MROH2B: variants seen among roughly 807,000 people sequenced by gnomAD.
MROH2B encodes maestro heat-like repeat-containing protein family member 2B.
Under a neutral mutation model 208.6 loss-of-function variants are expected in MROH2B, and 177 were observed. The ratio of observed to expected loss-of-function variants is 0.85; its 90% CI spans 0.75 to 0.96. The LOEUF is 0.96. Among genes scored for constraint, MROH2B ranks in the 40% least tolerant of loss-of-function variants. The pLI, the probability that MROH2B is intolerant of heterozygous loss-of-function variation, is 0.00. For synonymous variants in MROH2B, 728 were observed against 659.0 expected (o/e 1.10, Z -1.60); for missense variants, 2,002 against 1,878.7 (o/e 1.07, Z -1.21).
chr5:41,039,601 A>G, intron 19 of MROH2B, 46 bp from the exon 20 acceptor site: 1 of 1,322,786 alleles, frequency 7.6e-7, no homozygotes, highest in South Asian at 1.4e-5. Context: ...CCATTTATTT[A>G]TTCAACAAAT....
Position 41,042,134 on chromosome 5 carries a change from CT to C in MROH2B, c.1910del (p.Lys637ArgfsTer4). On this transcript the variant is annotated frameshift_variant, in exon 19 of 42. Transcript: ENST00000399564. LOFTEE classifies it high-confidence loss of function. ...GTTGGTTGGGAGCAGTCAGAAACTCCTTAATCTGTGAGTTTACAAAGTCTGA... is the reference window on the plus strand; with the variant it reads ...GTTGGTTGGGAGCAGTCAGAAACTCCTAATCTGTGAGTTTACAAAGTCTGA... ...QDSDFVNSQI[K>X]EFLTAPNQLG... 1 of 1,596,990 alleles carries C rather than the reference CT, an allele frequency of 6.3e-7. No homozygotes were observed. Among genetic ancestry groups the C allele is most frequent in the Admixed American group, 1.7e-5 (1 of 58,062 alleles).
intron 3 of MROH2B, among the ~76,000 whole-genome samples, chr5:41,066,251 A>C (rs956324137): frequency 6.6e-6 from 1 of 152,196 alleles, no homozygotes; most frequent in African/African-American, 2.4e-5. Context: ...ATGGCGAACT[A>C]GGTAAATTTG....
rs559761821 is a variant in MROH2B at position 41,024,416 on chromosome 5, A to C, written c.2442-5398T>G. On this transcript the variant is annotated intron_variant, in intron 24 of 41. Coordinates refer to ENST00000399564, the MANE Select transcript of MROH2B (RefSeq NM_173489.5). ...TCTGATAAAACAGACTTTAAACCAA[A>C]AAAGATCAAAAGAGACAAAGAAGGC... 2.3e-3 allele frequency among the ~76,000 whole-genome samples: 354 copies of C among 152,170 alleles called. 2 individuals are homozygous for C. Among genetic ancestry groups the C allele is most frequent in the African/African-American group, 7.3e-3 (302 of 41,548 alleles).
chr5:41,064,370 A>G, intron 5 of MROH2B, 102 bp downstream of exon 5: 1 of 916,156 alleles, frequency 1.1e-6, no homozygotes, highest in Non-Finnish European at 1.7e-6. Context: ...ATTATTCAAA[A>G]GGACAAGATT....
At position 41,039,693 on chromosome 5, in the gene MROH2B, T is replaced by C. The variant is rs572479414; in HGVS notation, c.1954-138A>G. The C allele has an allele frequency of 2.2e-4, 129 of 579,184 alleles. 4 individuals carry two copies. In the South Asian group the frequency reaches 3.1e-3, roughly 14 times the overall value. The allele number at this position is 579,184 out of a possible 1,614,324, so 35.9% of individuals were successfully genotyped here. On this transcript the variant is annotated intron_variant, in intron 19 of 41. Transcript: ENST00000399564. ...TTTGCAGAACATACCAAAGTCCCCATCTTTGTAAGGTATACAACCAGGAGA... is the reference window on the plus strand; with the variant it reads ...TTTGCAGAACATACCAAAGTCCCCACCTTTGTAAGGTATACAACCAGGAGA...
chr5:41,049,253 C>G (rs368805204), intron 14 of MROH2B, 27 bp downstream of exon 14: 8 of 1,611,842 alleles, frequency 5.0e-6, no homozygotes, highest in African/African-American at 1.3e-5. Context: ...AATAGAAAAG[C>G]TTTTCTGTGT....
rs1365024899 is a variant in MROH2B at position 41,070,962 on chromosome 5, G to A, written c.-110C>T. On this transcript the variant is annotated 5_prime_UTR_variant, in exon 1 of 42. Coordinates refer to ENST00000399564, the MANE Select transcript of MROH2B (RefSeq NM_173489.5). ...AGTTTCTCATATAAGGTTCACATAAGCCTCTCTAAATGAAAGTGCCTCCTC... is the reference window on the plus strand; with the variant it reads ...AGTTTCTCATATAAGGTTCACATAAACCTCTCTAAATGAAAGTGCCTCCTC... 2.7e-6 allele frequency: 3 copies of A among 1,102,032 alleles called. No individual in the cohort carries two copies. Among genetic ancestry groups the A allele is most frequent in the Non-Finnish European group, 4.0e-6 (3 of 746,760 alleles). 68.3% of individuals were successfully genotyped at this position (1,102,032 alleles called of 1,614,324 possible). A position where few individuals can be genotyped will look rare whatever the true frequency, so the allele number is the denominator to read the frequency against.
Position 41,004,326 on chromosome 5 carries a change from T to A in MROH2B, c.4194+20A>T. The A allele has an allele frequency of 6.2e-7, 1 of 1,608,100 alleles. No homozygotes were observed. Among genetic ancestry groups the A allele is most frequent in the Non-Finnish European group, 8.5e-7 (1 of 1,177,990 alleles). On this transcript the variant is annotated intron_variant, in intron 37 of 41. Coordinates refer to ENST00000399564, the MANE Select transcript of MROH2B (RefSeq NM_173489.5). Reference sequence around the variant, plus strand: ...TTCACTCACTTCTGGGGAGGGAAGTTCCTAAACAGGCTCACTTACATCTTC... The same window carrying A: ...TTCACTCACTTCTGGGGAGGGAAGTACCTAAACAGGCTCACTTACATCTTC...
intron 24 of MROH2B, among the ~76,000 whole-genome samples, chr5:41,027,393 C>T (rs556340271): frequency 1.3e-5 from 2 of 152,178 alleles, no homozygotes; most frequent in Non-Finnish European, 2.9e-5. Context: ...TGAACAGACA[C>T]TTCTCAAAAG....
At chr5:41,057,946 G>GA (rs1183244109) in intron 7 of MROH2B, 117 bp downstream of exon 7, 2 of 962,554 alleles carry the variant, frequency 2.1e-6, no homozygotes, top group Non-Finnish European at 2.8e-6. Flanking sequence ...AAGAGATATT[G>GA]AAAGTCAGCT....
chr5:41,053,455 T>C (rs904836241), intron 11 of MROH2B, among the ~76,000 whole-genome samples: 2 of 152,198 alleles, frequency 1.3e-5, no homozygotes, highest in Non-Finnish European at 2.9e-5. Flanking sequence ...TTATAGTATA[T>C]ATAATAATTT....
chr5:41,015,658 A>G (rs188931609), intron 28 of MROH2B, among the ~76,000 whole-genome samples, 180 bp from the exon 29 acceptor site: 198 of 152,356 alleles, frequency 1.3e-3, no homozygotes, highest in African/African-American at 4.6e-3. Flanking sequence ...TCTGCATACA[A>G]TAATCTCATT....
intron 18 of MROH2B, 52 bp downstream of exon 18, chr5:41,045,694 C>A: frequency 7.4e-7 from 1 of 1,352,918 alleles, no homozygotes; most frequent in Non-Finnish European, 1.1e-6. Flanking sequence ...CTAGAGCAGC[C>A]ATTTTGGATC....
chr5:41,058,665 T>A (rs572202374), intron 6 of MROH2B, among the ~76,000 whole-genome samples: 1 of 152,282 alleles, frequency 6.6e-6, no homozygotes, highest in Non-Finnish European at 1.5e-5. Flanking sequence ...ATTGTATTTT[T>A]TTGAGACAGA....
intron 24 of MROH2B, among the ~76,000 whole-genome samples, chr5:41,025,693 G>T (rs984021122): frequency 1.2e-4 from 18 of 152,124 alleles, no homozygotes; most frequent in African/African-American, 4.1e-4. Flanking sequence ...TATGAGGCCA[G>T]CATCATCCTG....
intron 40 of MROH2B, among the ~76,000 whole-genome samples, chr5:40,998,890 G>A (rs1361490236): frequency 6.6e-6 from 1 of 152,204 alleles, no homozygotes; most frequent in African/African-American, 2.4e-5. Flanking sequence ...CTTATCCAGA[G>A]TATTTGGCAG....
intron 24 of MROH2B, among the ~76,000 whole-genome samples, chr5:41,023,411 C>T (rs565388743): frequency 1.3e-5 from 2 of 152,180 alleles, no homozygotes; most frequent in East Asian, 1.9e-4. Context: ...GTTTCAGTAG[C>T]CGATTCGATC....
chr5:41,004,947 TTTAG>T, intron 35 of MROH2B, 27 bp from the exon 36 acceptor site: 1 of 1,610,738 alleles, frequency 6.2e-7, no homozygotes, highest in Non-Finnish European at 8.5e-7. Flanking sequence ...ACTCCTCCCG[TTTAG>T]TTAAGGGCGT....
chr5:41,000,167 T>G, intron 39 of MROH2B, 53 bp downstream of exon 39: 1 of 1,591,816 alleles, frequency 6.3e-7, no homozygotes, highest in Middle Eastern at 1.7e-4. Flanking sequence ...TTCTGCGATT[T>G]GTCTAGACCC....
Sources: allele counts gnomAD v4.1 joint callset (sites outside exome capture counted in the v4.1 genomes callset), GRCh38; gene constraint gnomAD v4.1.1; transcripts MANE v1.5; gene names NCBI Gene and HGNC (gene_info 2026-07-23, HGNC 2026-07-21).